Variants in DNA2 observed in about 807,000 individuals in gnomAD.
DNA2 encodes DNA replication ATP-dependent helicase/nuclease DNA2.
A neutral mutation model predicts 119.1 loss-of-function variants in DNA2; 101 were observed. The observed-to-expected ratio is 0.85, with a 90% CI of 0.72 to 1.00. The LOEUF (loss-of-function observed/expected upper bound fraction) is 1.00, where lower values mean the gene tolerates loss of function less well. Ranked by LOEUF, DNA2 falls within the 50% of genes least tolerant of loss-of-function variation. The pLI is 0.00. For synonymous variants in DNA2, 366 were observed against 424.4 expected (o/e 0.86, Z 1.69); for missense variants, 1,121 against 1,255.5 (o/e 0.89, Z 1.62).
rs1797028479 is a variant in DNA2 at position 68,430,542 on chromosome 10, T to C, written c.2102A>G (p.Gln701Arg). Residue 701 changes from glutamine (Q) to arginine (R), a missense_variant, in exon 14 of 21, where the codon CAG (glutamine) becomes CGG (arginine). Coordinates refer to ENST00000358410, the MANE Select transcript of DNA2 (RefSeq NM_001080449.3). ...KFKIGFLRLG[Q>R]IQKVHPAIQQ... ...GATAGCTGGATGAACCTTCTGAATC[T>C]GACCCAAACGCAAAAATCCTATTTT... 1.2e-6 allele frequency: 2 copies of C among 1,611,180 alleles called. No homozygotes were observed. Among genetic ancestry groups the C allele is most frequent in the Middle Eastern group, 1.7e-4 (1 of 6,058 alleles).
chr10:68,462,229 G>A (rs1287075435), intron 4 of DNA2, among the ~76,000 whole-genome samples: 10 of 151,972 alleles, frequency 6.6e-5, no homozygotes, highest in Admixed American at 5.9e-4. Flanking sequence ...AAAATTAGCC[G>A]GGTGTGGTGG....
At chr10:68,445,985 A>G (rs1301125214) in intron 7 of DNA2, among the ~76,000 whole-genome samples, 1 of 152,084 alleles carries the variant, frequency 6.6e-6, no homozygotes, top group Non-Finnish European at 1.5e-5. Context: ...CTAGCCAGGC[A>G]TGGTGGCACA....
At chr10:68,423,236 T>C (rs990079117) in intron 14 of DNA2, among the ~76,000 whole-genome samples, 1 of 151,236 alleles carries the variant, frequency 6.6e-6, no homozygotes, top group East Asian at 1.9e-4. Context: ...ATGGAGTACT[T>C]TTCCTTATTC....
At chr10:68,423,077 C>T (rs781039567) in intron 14 of DNA2, among the ~76,000 whole-genome samples, 187 bp from the exon 15 acceptor site, 1 of 152,004 alleles carries the variant, frequency 6.6e-6, no homozygotes, top group African/African-American at 2.4e-5. Context: ...TAAAAATAAT[C>T]AAGTAAACTT....
At chr10:68,462,041 G>A (rs980387979) in intron 4 of DNA2, among the ~76,000 whole-genome samples, 3 of 152,138 alleles carry the variant, frequency 2.0e-5, no homozygotes, top group Non-Finnish European at 2.9e-5. Flanking sequence ...TCATTAAAAT[G>A]TTATGTTAAC....
intron 12 of DNA2, 114 bp from the exon 13 acceptor site, chr10:68,432,085 T>C: frequency 6.2e-6 from 7 of 1,125,456 alleles, no homozygotes; most frequent in Middle Eastern, 2.3e-4. Context: ...TACAAAACCA[T>C]TTCCAAAGAG....
chr10:68,423,009 G>C, intron 14 of DNA2, 119 bp from the exon 15 acceptor site: 2 of 650,674 alleles, frequency 3.1e-6, no homozygotes, highest in Non-Finnish European at 4.9e-6. Flanking sequence ...GGAATCCTTC[G>C]ATATTATTTA....
intron 19 of DNA2, among the ~76,000 whole-genome samples, chr10:68,417,402 A>AAC (rs2051604787): frequency 2.0e-5 from 3 of 150,722 alleles, no homozygotes; most frequent in East Asian, 1.9e-4. Flanking sequence ...AAAAAAAAAA[A>AAC]AAAAAAAAAA....
chr10:68,451,096 TAA>T (rs754298528), intron 5 of DNA2, among the ~76,000 whole-genome samples: 11 of 98,832 alleles, frequency 1.1e-4, no homozygotes, highest in South Asian at 3.4e-4. Flanking sequence ...CAAGACTGTC[TAA>T]AAAAAAAAAA....
chr10:68,441,335 TA>T (rs35334686), intron 9 of DNA2, among the ~76,000 whole-genome samples: 20,847 of 121,050 alleles, frequency 0.17, 1,596 homozygotes, highest in East Asian at 0.37. Flanking sequence ...CCCTGTCTCT[TA>T]AAAAAAAAAA....
chr10:68,471,321 C>T (rs2052378796), intron 1 of DNA2, among the ~76,000 whole-genome samples: 1 of 152,154 alleles, frequency 6.6e-6, no homozygotes, highest in South Asian at 2.1e-4. Context: ...AGCCCAAACG[C>T]AAAAGTCCCT....
chr10:68,472,432 G>A (rs1186783672), upstream of DNA2, among the ~76,000 whole-genome samples: 2 of 151,988 alleles, frequency 1.3e-5, no homozygotes, highest in Admixed American at 1.3e-4. Flanking sequence ...ATCATGCCAC[G>A]GCTAAATCTA....
intron 1 of DNA2, chr10:68,470,460 AAC>A: frequency 2.8e-6 from 1 of 363,006 alleles, no homozygotes; most frequent in South Asian, 2.3e-5. Context: ...ATTAAGAATA[AAC>A]TGGAAGCCAG....
rs147646394 is a variant in DNA2 at position 68,456,484 on chromosome 10, G to A, written c.719+2620C>T. Among the ~76,000 whole-genome samples the A allele has an allele frequency of 4.7e-3, 714 of 152,140 alleles. 6 individuals are homozygous for A. Among genetic ancestry groups the A allele is most frequent in the African/African-American group, 0.016 (654 of 41,522 alleles). On this transcript the variant is annotated intron_variant, in intron 5 of 20. Coordinates refer to ENST00000358410, the MANE Select transcript of DNA2 (RefSeq NM_001080449.3). Reference sequence around the variant, plus strand: ...GGCTACAGTGCAGTGGCACGATCTCGGCTCGCTGTAATCTCTGCCTCCTAG... The same window carrying A: ...GGCTACAGTGCAGTGGCACGATCTCAGCTCGCTGTAATCTCTGCCTCCTAG...
chr10:68,420,013 T>C (rs1173993387), intron 17 of DNA2, 121 bp from the exon 18 acceptor site: 3 of 800,738 alleles, frequency 3.7e-6, no homozygotes, highest in Non-Finnish European at 6.1e-6. Flanking sequence ...GTCTAAAAGA[T>C]GAAGGTGAAA....
chr10:68,436,812 C>T, intron 10 of DNA2, 199 bp downstream of exon 10: 1 of 454,434 alleles, frequency 2.2e-6, no homozygotes, highest in Non-Finnish European at 3.9e-6. Context: ...TGAAAAGTGA[C>T]TACTAAAGGG....
At chr10:68,429,460 C>T (rs954073257) in intron 14 of DNA2, among the ~76,000 whole-genome samples, 3 of 150,180 alleles carry the variant, frequency 2.0e-5, no homozygotes, top group Non-Finnish European at 4.4e-5. Flanking sequence ...AGGAGAATCG[C>T]TTGAATCCGG....
In DNA2 at chr10:68,437,429, T is replaced by A. The variant is rs7098595; in HGVS notation, c.1416-188A>T. 0.3 allele frequency among the ~76,000 whole-genome samples: 45,294 copies of A among 150,978 alleles called. 8,119 individuals are homozygous for A. Among genetic ancestry groups the A allele is most frequent in the African/African-American group, 0.49 (20,146 of 40,954 alleles). ...GGCGGGTGGATTACCTGAGGTCAGA[T>A]GTTCAAGACCAGCCTGGCCAACATG... On this transcript the variant is annotated intron_variant, in intron 9 of 20. Coordinates refer to ENST00000358410, the MANE Select transcript of DNA2 (RefSeq NM_001080449.3).
At chr10:68,432,567 G>T in intron 10 of DNA2, 57 bp from the exon 11 acceptor site, 1 of 939,500 alleles carries the variant, frequency 1.1e-6, no homozygotes, top group Non-Finnish European at 1.6e-6. Context: ...GTCTGTATAA[G>T]AAATATGCTG....
Sources: gnomAD v4.1 joint callset for allele counts (sites outside exome capture counted in the v4.1 genomes callset) on GRCh38, gnomAD v4.1.1 for gene constraint, MANE v1.5 for transcripts, NCBI Gene and HGNC (gene_info 2026-07-23, HGNC 2026-07-21) for gene names.